Variants in MAPRE2 observed in about 807,000 individuals in gnomAD.
MAPRE2 encodes the protein microtubule associated protein RP/EB family member 2, also known as microtubule-associated protein RP/EB family member 2.
Under a neutral mutation model 43.2 loss-of-function variants are expected in MAPRE2, and 13 were observed. The ratio of observed to expected loss-of-function variants is 0.30; its 90% CI spans 0.20 to 0.48. MAPRE2 has a LOEUF of 0.48. MAPRE2 is among the 20% of genes least tolerant of loss of function. MAPRE2 has a pLI of 0.99. For missense variants in MAPRE2, 161 were observed against 400.2 expected (o/e 0.40, Z 5.10); for synonymous variants, 135 against 148.8 (o/e 0.91, Z 0.68).
chr18:35,064,925 C>T (rs112656566), intron 1 of MAPRE2, among the ~76,000 whole-genome samples: 163 of 152,318 alleles, frequency 1.1e-3, no homozygotes, highest in African/African-American at 3.3e-3. Context: ...AAGCTAGAAT[C>T]GTGACTTTGC....
At chr18:35,110,205 G>A (rs563521247) in intron 4 of MAPRE2, among the ~76,000 whole-genome samples, 20 of 152,142 alleles carry the variant, frequency 1.3e-4, no homozygotes, top group Non-Finnish European at 2.1e-4. Flanking sequence ...TCTAATACAC[G>A]TTGGCTTTTG....
intron 2 of MAPRE2, among the ~76,000 whole-genome samples, chr18:35,071,572 G>A (rs1352245648): frequency 3.9e-5 from 6 of 152,158 alleles, no homozygotes; most frequent in Admixed American, 2.0e-4. Context: ...CCACTGAAAT[G>A]TATTTGTGTG....
chr18:35,074,477 G>A (rs1191732661), intron 2 of MAPRE2, among the ~76,000 whole-genome samples: 1 of 152,258 alleles, frequency 6.6e-6, no homozygotes, highest in Admixed American at 6.5e-5. Flanking sequence ...AATGGGGAGG[G>A]AGGAGTAGGG....
At chr18:34,987,316 G>A (rs960115944) in intron 1 of MAPRE2, among the ~76,000 whole-genome samples, 1 of 152,250 alleles carries the variant, frequency 6.6e-6, no homozygotes, top group Admixed American at 6.5e-5. Flanking sequence ...ACCTAGATGA[G>A]GCATCAGCAT....
At chr18:35,022,273 C>T (rs952844980) in intron 2 of MAPRE2, among the ~76,000 whole-genome samples, 9 of 151,964 alleles carry the variant, frequency 5.9e-5, no homozygotes, top group Non-Finnish European at 1.0e-4. Flanking sequence ...ATAAGAAATA[C>T]CAGGATGCTA....
chr18:35,086,257 G>GAT (rs1445769280), intron 2 of MAPRE2, among the ~76,000 whole-genome samples: 22 of 151,450 alleles, frequency 1.5e-4, no homozygotes, highest in Admixed American at 9.9e-4. Context: ...ACACCAATAA[G>GAT]ATATATATAT....
chr18:35,059,114 G>A (rs1209728187), intron 1 of MAPRE2, among the ~76,000 whole-genome samples: 1 of 152,180 alleles, frequency 6.6e-6, no homozygotes, highest in Admixed American at 6.5e-5. Context: ...ATTAGTTATT[G>A]TAACTTCTAA....
chr18:35,126,939 T>G lies in MAPRE2; in HGVS notation c.611-9T>G. The G allele has an allele frequency of 6.2e-7, 1 of 1,612,712 alleles. No individual in the cohort carries two copies. Among genetic ancestry groups the G allele is most frequent in the Non-Finnish European group, 8.5e-7 (1 of 1,179,310 alleles). ...GCCAGTATTTATCATTTATTCTGAT[T>G]GCTTTCAGGTGCAGCTAAATCAAGT... On this transcript the variant is annotated splice_polypyrimidine_tract_variant and intron_variant, in intron 4 of 6. Transcript: ENST00000300249.
chr18:35,001,278 G>A (rs1329948239), intron 1 of MAPRE2, among the ~76,000 whole-genome samples: 1 of 152,124 alleles, frequency 6.6e-6, no homozygotes, highest in Non-Finnish European at 1.5e-5. Flanking sequence ...TTGGGAGGCC[G>A]AGGCAGGCAG....
chr18:35,041,338 G>T (rs112135873), upstream of MAPRE2: 2 of 1,435,914 alleles, frequency 1.4e-6, no homozygotes, highest in African/African-American at 1.4e-5. Context: ...CGTGACCAGG[G>T]TGCTGCTGCC....
chr18:35,113,906 TAGA>T (rs1448533114), intron 4 of MAPRE2, among the ~76,000 whole-genome samples: 2 of 152,086 alleles, frequency 1.3e-5, no homozygotes, highest in African/African-American at 4.8e-5. Flanking sequence ...AAATAAAATA[TAGA>T]AGGAGTCATC....
At chr18:35,071,202 A>T (rs1466562252) in intron 2 of MAPRE2, among the ~76,000 whole-genome samples, 1 of 152,190 alleles carries the variant, frequency 6.6e-6, no homozygotes, top group Non-Finnish European at 1.5e-5. Flanking sequence ...TCAATGACAA[A>T]ATAGGAGGAT....
chr18:35,050,866 C>T (rs1905902705), intron 1 of MAPRE2, among the ~76,000 whole-genome samples: 1 of 152,078 alleles, frequency 6.6e-6, no homozygotes, highest in Non-Finnish European at 1.5e-5. Context: ...GCCCTCTCAC[C>T]CAGGAGTCTG....
intron 4 of MAPRE2, among the ~76,000 whole-genome samples, chr18:35,118,508 G>A (rs899415920): frequency 3.6e-4 from 55 of 152,172 alleles, no homozygotes; most frequent in African/African-American, 1.3e-3. Flanking sequence ...CTAAACTATA[G>A]CATTGCAAGT....
intron 4 of MAPRE2, among the ~76,000 whole-genome samples, chr18:35,109,789 G>T (rs537816962): frequency 6.6e-6 from 1 of 152,076 alleles, no homozygotes; most frequent in Admixed American, 6.5e-5. Flanking sequence ...TGTTTAATTG[G>T]AGTGTCCAGC....
chr18:35,120,045 C>T (rs1311004764), intron 4 of MAPRE2, among the ~76,000 whole-genome samples: 2 of 152,186 alleles, frequency 1.3e-5, no homozygotes, highest in Non-Finnish European at 2.9e-5. Context: ...GTTGGTGCTG[C>T]TCCTCCTTTC....
At chr18:35,105,763 A>T (rs1013606044) in intron 4 of MAPRE2, among the ~76,000 whole-genome samples, 1 of 145,890 alleles carries the variant, frequency 6.9e-6, no homozygotes, top group African/African-American at 2.5e-5. Context: ...AACCTCAGTT[A>T]AAAAAAAAAA....
At chr18:34,980,145 C>A (rs1417913577) in intron 1 of MAPRE2, among the ~76,000 whole-genome samples, 2 of 150,788 alleles carry the variant, frequency 1.3e-5, no homozygotes. Flanking sequence ...CCTGCCTCAG[C>A]CTCCTGAGTA....
chr18:35,034,710 C>G lies in MAPRE2; in HGVS notation c.-8+29157C>G, dbSNP rs1457215748. On this transcript the variant is annotated intron_variant, in intron 2 of 7. Transcript: ENST00000413393. ...TCAAAAAGTGGGCAAAGGACATGAA[C>G]AGACACTTCTCAAAAGAAGACATTT... is the stretch of plus-strand genomic sequence containing the variant. 3.3e-5 allele frequency among the ~76,000 whole-genome samples: 5 copies of G among 152,258 alleles called. 1 individual carries two copies. The highest frequency in any genetic ancestry group is 1.2e-4 in the African/African-American group (5 of 41,546).
Sources: allele counts gnomAD v4.1 joint callset (sites outside exome capture counted in the v4.1 genomes callset), GRCh38; gene constraint gnomAD v4.1.1; transcripts MANE v1.5; gene names NCBI Gene and HGNC (gene_info 2026-07-23, HGNC 2026-07-21).